Variants in STARD13 observed in about 807,000 individuals in gnomAD.
STARD13 encodes stAR-related lipid transfer protein 13.
Under a neutral mutation model 106.4 loss-of-function variants are expected in STARD13, and 62 were observed. That is an observed-to-expected ratio of 0.58 (90% confidence interval 0.48 to 0.72). The LOEUF (loss-of-function observed/expected upper bound fraction) is 0.72, where lower values mean the gene tolerates loss of function less well. Ranked by LOEUF, STARD13 falls within the 30% of genes least tolerant of loss-of-function variation. The pLI is 0.00. For missense variants in STARD13, 1,387 were observed against 1,424.0 expected (o/e 0.97, Z 0.42); for synonymous variants, 565 against 553.0 (o/e 1.02, Z -0.31).
chr13:33,293,518 A>G (rs1892370250), intron 1 of STARD13, among the ~76,000 whole-genome samples: 1 of 152,180 alleles, frequency 6.6e-6, no homozygotes, highest in South Asian at 2.1e-4. Flanking sequence ...TCTAGGTTTT[A>G]TTCTCTGGGA....
At chr13:33,646,292 G>A in the STARD13 span, among the ~76,000 whole-genome samples, 16 of 152,226 alleles carry the variant, frequency 1.1e-4, no homozygotes, top group African/African-American at 3.4e-4. Context: ...ATCTTAAAAC[G>A]CGACATGGTA....
the STARD13 span, among the ~76,000 whole-genome samples, chr13:33,516,398 T>C: frequency 1.3e-5 from 2 of 151,698 alleles, no homozygotes; most frequent in African/African-American, 4.8e-5. Flanking sequence ...AATTCCATCA[T>C]CATATTTTAA....
At chr13:33,622,111 G>A in the STARD13 span, among the ~76,000 whole-genome samples, 1 of 151,966 alleles carries the variant, frequency 6.6e-6, no homozygotes, top group South Asian at 2.1e-4. Context: ...GCCTGCACTT[G>A]CAATTTCTGT....
the STARD13 span, among the ~76,000 whole-genome samples, chr13:33,378,797 C>CAA: frequency 1.7e-4 from 18 of 104,692 alleles, no homozygotes; most frequent in East Asian, 5.3e-4. Flanking sequence ...CTCAAAAAAA[C>CAA]AAAAAAAAAA....
chr13:33,166,052 G>A (rs755790459), intron 2 of STARD13, among the ~76,000 whole-genome samples: 5 of 152,186 alleles, frequency 3.3e-5, no homozygotes, highest in Admixed American at 6.5e-5. Context: ...GCAATCTGCA[G>A]CTCATTGGAA....
At chr13:33,639,702 T>C in the STARD13 span, among the ~76,000 whole-genome samples, 2 of 152,232 alleles carry the variant, frequency 1.3e-5, no homozygotes, top group Non-Finnish European at 2.9e-5. Flanking sequence ...TCACCAACTT[T>C]TGGCCAAAGG....
At chr13:33,438,950 A>G in the STARD13 span, among the ~76,000 whole-genome samples, 1 of 152,244 alleles carries the variant, frequency 6.6e-6, no homozygotes, top group African/African-American at 2.4e-5. Flanking sequence ...AAACTCAGAG[A>G]AAAGTGTTAA....
intron 1 of STARD13, among the ~76,000 whole-genome samples, chr13:33,324,983 A>G (rs1393692108): frequency 6.6e-6 from 1 of 152,170 alleles, no homozygotes; most frequent in Admixed American, 6.5e-5. Flanking sequence ...TCTCTATTTT[A>G]CTGCCACTCA....
At chr13:33,358,958 A>C in the STARD13 span, among the ~76,000 whole-genome samples, 346 of 152,064 alleles carry the variant, frequency 2.3e-3, 1 homozygote, top group African/African-American at 7.8e-3. Context: ...AACTAATCTG[A>C]TGGGGACGTG....
chr13:33,243,853 G>C (rs1303414948), intron 1 of STARD13, among the ~76,000 whole-genome samples: 1 of 152,082 alleles, frequency 6.6e-6, no homozygotes, highest in Non-Finnish European at 1.5e-5. Flanking sequence ...TTTAAGCACT[G>C]GTTTAAAGGT....
the STARD13 span, among the ~76,000 whole-genome samples, chr13:33,376,442 C>T: frequency 6.6e-6 from 1 of 151,986 alleles, no homozygotes; most frequent in Non-Finnish European, 1.5e-5. Context: ...AGAATTACAG[C>T]TGGGGCAGTG....
chr13:33,180,058 T>A (rs957210684), intron 1 of STARD13, among the ~76,000 whole-genome samples: 1 of 152,244 alleles, frequency 6.6e-6, no homozygotes, highest in Non-Finnish European at 1.5e-5. Flanking sequence ...ATGCAATTCA[T>A]TTTTTGCAGT....
chr13:33,195,592 A>G (rs895557237), intron 1 of STARD13, among the ~76,000 whole-genome samples: 2 of 152,208 alleles, frequency 1.3e-5, no homozygotes, highest in Non-Finnish European at 1.5e-5. Flanking sequence ...CGATGCTGCA[A>G]TTTTAGCCAG....
chr13:33,652,247 C>T, the STARD13 span, among the ~76,000 whole-genome samples: 1 of 152,212 alleles, frequency 6.6e-6, no homozygotes, highest in Non-Finnish European at 1.5e-5. Flanking sequence ...ATTCTCCCTC[C>T]TCAGCTTCAG....
the STARD13 span, among the ~76,000 whole-genome samples, chr13:33,635,629 C>T: frequency 4.0e-5 from 6 of 150,942 alleles, no homozygotes; most frequent in African/African-American, 1.5e-4. Context: ...CACCGCACCA[C>T]TCCAGCCTGG....
chr13:33,618,717 G>C, the STARD13 span, among the ~76,000 whole-genome samples: 1 of 152,018 alleles, frequency 6.6e-6, no homozygotes, highest in East Asian at 1.9e-4. Flanking sequence ...ACTGAGGTAA[G>C]GAAACGTCAG....
At chr13:33,575,295 TA>T in the STARD13 span, among the ~76,000 whole-genome samples, 168 of 152,298 alleles carry the variant, frequency 1.1e-3, 2 homozygotes, top group African/African-American at 3.7e-3. Flanking sequence ...ATAATTTATC[TA>T]AAATATAATT....
At chr13:33,642,508 A>C in the STARD13 span, among the ~76,000 whole-genome samples, 430 of 152,342 alleles carry the variant, frequency 2.8e-3, 6 homozygotes, top group African/African-American at 9.9e-3. Flanking sequence ...GGCCCCCTGC[A>C]GAAACTTGTC....
chr13:33,377,501 T>C, the STARD13 span, among the ~76,000 whole-genome samples: 5 of 152,204 alleles, frequency 3.3e-5, no homozygotes, highest in East Asian at 7.7e-4. Context: ...ATTAATTCTA[T>C]TGATCTTTGC....
Sources: gnomAD v4.1 joint callset for allele counts (sites outside exome capture counted in the v4.1 genomes callset) on GRCh38, gnomAD v4.1.1 for gene constraint, MANE v1.5 for transcripts, NCBI Gene and HGNC (gene_info 2026-07-23, HGNC 2026-07-21) for gene names.